The following GNG7 variants were observed in gnomAD, a reference collection of about 807,000 sequenced individuals.
GNG7 encodes the protein G protein subunit gamma 7.
GNG7 carries 1 observed loss-of-function variant against 4.0 expected under a neutral mutation model. That is an observed-to-expected ratio of 0.25 (90% CI 0.09 to 1.18). The LOEUF is 1.18. Among genes scored for constraint, GNG7 ranks in the 50% most tolerant of loss-of-function variants. The pLI is 0.50. For synonymous variants in GNG7, 34 were observed against 36.9 expected (o/e 0.92, Z 0.29); for missense variants, 86 against 91.9 (o/e 0.94, Z 0.26).
intron 2 of GNG7, among the ~76,000 whole-genome samples, chr19:2,576,034 GAC>G (rs748695415): frequency 2.6e-5 from 2 of 75,666 alleles, no homozygotes; most frequent in Non-Finnish European, 4.8e-5. Flanking sequence ...CACACACACA[GAC>G]ACACACAGAC....
At position 2,589,914 on chromosome 19, in the gene GNG7, C is replaced by T. The variant is rs553621041; in HGVS notation, c.-77-34726G>A. Reference sequence around the variant, plus strand: ...GCAACCTCCACCTCCCGGGTTCAAGCGATTCTTCTACCTCAGCCTCCCGAG... The same window carrying T: ...GCAACCTCCACCTCCCGGGTTCAAGTGATTCTTCTACCTCAGCCTCCCGAG... On this transcript the variant is annotated intron_variant, in intron 2 of 4. Transcript: ENST00000382159. Among the ~76,000 whole-genome samples, 9 of 152,276 alleles carry T rather than the reference C, an allele frequency of 5.9e-5. No individual in the cohort carries two copies. The South Asian group carries it at 1.2e-3, about 21-fold the overall frequency.
intron 2 of GNG7, among the ~76,000 whole-genome samples, chr19:2,594,405 GGGAAGGAAGGAAGGAAGGAAGGAAGGAA>G (rs36015482): frequency 2.9e-5 from 4 of 136,868 alleles, no homozygotes; most frequent in East Asian, 2.1e-4. Flanking sequence ...GAAAGAAGGA[GGGAAGGAAGGAAGGAAGGAAGGAAGGAA>G]GGAAGGAAGG....
chr19:2,619,465 T>C (rs1981809431), intron 2 of GNG7, among the ~76,000 whole-genome samples: 1 of 152,168 alleles, frequency 6.6e-6, no homozygotes, highest in Non-Finnish European at 1.5e-5. Context: ...CAAGTATTTG[T>C]TTATAGTAAG....
intron 2 of GNG7, among the ~76,000 whole-genome samples, chr19:2,607,633 A>C (rs1350969423): frequency 6.6e-6 from 1 of 152,006 alleles, no homozygotes; most frequent in Admixed American, 6.6e-5. Flanking sequence ...GGGGCAAGCT[A>C]AACTACATTG....
chr19:2,673,055 G>C (rs1436257222), intron 1 of GNG7, among the ~76,000 whole-genome samples: 2 of 151,644 alleles, frequency 1.3e-5, no homozygotes, highest in Non-Finnish European at 2.9e-5. Context: ...AGGAGATCGA[G>C]ACCATCCTGG....
intron 2 of GNG7, among the ~76,000 whole-genome samples, chr19:2,573,315 G>A (rs1351730368): frequency 2.0e-5 from 3 of 151,120 alleles, no homozygotes; most frequent in African/African-American, 7.3e-5. Flanking sequence ...GAGCCCCCAC[G>A]CCTGGCCTGG....
chr19:2,602,724 G>T (rs1177615010), intron 2 of GNG7, among the ~76,000 whole-genome samples: 1 of 152,282 alleles, frequency 6.6e-6, no homozygotes, highest in East Asian at 1.9e-4. Context: ...CCAATCTCGG[G>T]CTGGGCAGAG....
intron 1 of GNG7, among the ~76,000 whole-genome samples, chr19:2,686,200 C>T (rs1983866401): frequency 6.6e-6 from 1 of 151,844 alleles, no homozygotes; most frequent in Admixed American, 6.6e-5. Context: ...CGCTGTCGCC[C>T]AGGCTGGAGT....
At chr19:2,526,938 T>C (rs1227272641) in intron 3 of GNG7, among the ~76,000 whole-genome samples, 3 of 151,968 alleles carry the variant, frequency 2.0e-5, no homozygotes, top group African/African-American at 7.3e-5. Flanking sequence ...CTCCACCTCC[T>C]GAGTTCATGC....
At position 2,680,243 on chromosome 19, in the gene GNG7, G is replaced by A. The variant is rs958423944; in HGVS notation, c.-135+22403C>T. ...GCTCACCACAACCTCCACCTCCCAG[G>A]TTCAAGTGATTCTCTCTGCCTTAGC... On this transcript the variant is annotated intron_variant, in intron 1 of 4. Coordinates refer to ENST00000382159, the MANE Select transcript of GNG7 (RefSeq NM_052847.3). 4.0e-5 allele frequency among the ~76,000 whole-genome samples: 6 copies of A among 150,468 alleles called. No individual in the cohort carries two copies. The Admixed American group carries it at 4.0e-4, about 10-fold the overall frequency.
chr19:2,650,824 C>T (rs1039980822), intron 1 of GNG7, among the ~76,000 whole-genome samples: 4 of 152,318 alleles, frequency 2.6e-5, no homozygotes, highest in Non-Finnish European at 4.4e-5. Flanking sequence ...ACAATCGACC[C>T]GGGCGGCCAG....
At chr19:2,530,709 G>C (rs766193332) in intron 3 of GNG7, among the ~76,000 whole-genome samples, 2 of 152,182 alleles carry the variant, frequency 1.3e-5, no homozygotes, top group Admixed American at 6.5e-5. Flanking sequence ...GACAGAGTGA[G>C]ACCCTGTCTC....
At chr19:2,681,990 A>G (rs551846597) in intron 1 of GNG7, among the ~76,000 whole-genome samples, 170 of 151,756 alleles carry the variant, frequency 1.1e-3, no homozygotes, top group African/African-American at 3.9e-3. Flanking sequence ...GCTCACTGCA[A>G]CCTCCGCCTC....
intron 3 of GNG7, among the ~76,000 whole-genome samples, chr19:2,551,551 TAATA>T (rs1263665308): frequency 3.8e-5 from 3 of 78,366 alleles, no homozygotes; most frequent in Admixed American, 1.6e-4. Context: ...ATGTATTTAT[TAATA>T]TATATTTATC....
rs1313788506 is a variant in GNG7 at position 2,513,046 on chromosome 19, A to G, written c.*1976T>C. 5.1e-6 allele frequency: 5 copies of G among 985,316 alleles called. No homozygotes were observed. The highest frequency in any genetic ancestry group is 6.0e-6 in the Non-Finnish European group (5 of 829,928). The allele number at this position is 985,316 out of a possible 1,614,324, so 61.0% of individuals were successfully genotyped here. ...CCCAGCCCTCCCGGACCTGCCGTAG[A>G]GAGCTGGGTGCCGGGGGTGGGGAGC... On this transcript the variant is annotated 3_prime_UTR_variant, in exon 5 of 5. Coordinates refer to ENST00000382159, the MANE Select transcript of GNG7 (RefSeq NM_052847.3).
At chr19:2,581,742 C>CACG (rs1980511577) in intron 2 of GNG7, among the ~76,000 whole-genome samples, 1 of 152,194 alleles carries the variant, frequency 6.6e-6, no homozygotes, top group Non-Finnish European at 1.5e-5. Context: ...ACGCATGAAC[C>CACG]GTGTTATGGT....
rs1319622920 is a variant in GNG7, at chr19:2,551,614, T to C, written c.-38+3535A>G. 1.4e-5 allele frequency among the ~76,000 whole-genome samples: 2 copies of C among 147,778 alleles called. 1 individual carries two copies. Among genetic ancestry groups the C allele is most frequent in the Non-Finnish European group, 3.0e-5 (2 of 67,022 alleles). On this transcript the variant is annotated intron_variant, in intron 3 of 4. Coordinates refer to ENST00000382159, the MANE Select transcript of GNG7 (RefSeq NM_052847.3). ...GCATTTATAAATATATAAACAAATA[T>C]ATATTTATAAATATATAAAAACACA...
intron 3 of GNG7, among the ~76,000 whole-genome samples, chr19:2,533,998 T>C (rs1208356376): frequency 6.6e-6 from 1 of 152,196 alleles, no homozygotes; most frequent in Non-Finnish European, 1.5e-5. Flanking sequence ...ATTTTTATTA[T>C]ACGATTTTTA....
chr19:2,628,775 C>T (rs904326477), intron 2 of GNG7, among the ~76,000 whole-genome samples: 1 of 152,054 alleles, frequency 6.6e-6, no homozygotes, highest in African/African-American at 2.4e-5. Flanking sequence ...TATGGGCTCA[C>T]CTGATGAGGT....
Sources: allele counts gnomAD v4.1 joint callset (sites outside exome capture counted in the v4.1 genomes callset), GRCh38; gene constraint gnomAD v4.1.1; transcripts MANE v1.5; gene names NCBI Gene and HGNC (gene_info 2026-07-23, HGNC 2026-07-21).